Variants in DAB1 observed in about 807,000 individuals in gnomAD.
DAB1 encodes the protein DAB adaptor protein 1.
DAB1 carries 15 observed loss-of-function variants against 64.6 expected under a neutral mutation model. The ratio of observed to expected loss-of-function variants is 0.23; its 90% CI spans 0.16 to 0.36. The LOEUF is 0.36. Among genes scored for constraint, DAB1 ranks in the 10% least tolerant of loss-of-function variants. DAB1 has a pLI of 1.00. For synonymous variants in DAB1, 235 were observed against 251.9 expected, an observed-to-expected ratio of 0.93 and a Z score of 0.64; for missense variants, 596 against 706.7, an observed-to-expected ratio of 0.84 and a Z score of 1.78.
At chr1:57,545,548 T>C (rs1644847110) in intron 7 of DAB1, among the ~76,000 whole-genome samples, 4 of 152,198 alleles carry the variant, frequency 2.6e-5, no homozygotes, top group Admixed American at 2.0e-4. Flanking sequence ...CCTTCAAATG[T>C]TGGGCTCAAG....
At chr1:57,698,456 C>T (rs1268751238) in intron 6 of DAB1, among the ~76,000 whole-genome samples, 1 of 152,078 alleles carries the variant, frequency 6.6e-6, no homozygotes, top group African/African-American at 2.4e-5. Context: ...GCTTTCTGCT[C>T]CTTGTGGATT....
chr1:58,394,466 A>G (rs1644502306), intron 3 of DAB1, among the ~76,000 whole-genome samples: 2 of 152,230 alleles, frequency 1.3e-5, no homozygotes, highest in Non-Finnish European at 2.9e-5. Flanking sequence ...AAACAATCCA[A>G]ATGTCCATTA....
intron 2 of DAB1, among the ~76,000 whole-genome samples, chr1:57,255,215 A>G (rs542732279): frequency 6.6e-6 from 1 of 152,332 alleles, no homozygotes; most frequent in African/African-American, 2.4e-5. Context: ...AGCAGGCTCC[A>G]TAACAATCAT....
At chr1:58,105,457 G>A (rs576580342) in intron 5 of DAB1, among the ~76,000 whole-genome samples, 8 of 152,238 alleles carry the variant, frequency 5.3e-5, no homozygotes, top group African/African-American at 1.9e-4. Flanking sequence ...GACGAGAGAC[G>A]CCAGCAAACA....
intron 2 of DAB1, among the ~76,000 whole-genome samples, chr1:57,216,542 G>A (rs753512101): frequency 2.6e-5 from 4 of 152,126 alleles, no homozygotes; most frequent in Non-Finnish European, 5.9e-5. Flanking sequence ...GAGGTTGCCA[G>A]TTTTGGCTCT....
In DAB1 at chr1:57,901,859, G is replaced by A. The variant is rs192586034; in HGVS notation, n.388-17697C>T. On this transcript the variant is annotated intron_variant and non_coding_transcript_variant, in intron 5 of 20. Coordinates refer to the DAB1 transcript ENST00000485760. Reference sequence around the variant, plus strand: ...CCCCACTGCGAATCCCAAATGATGTGAGATTGGAGAATTCACTGTGTACTC... The same window carrying A: ...CCCCACTGCGAATCCCAAATGATGTAAGATTGGAGAATTCACTGTGTACTC... Among the ~76,000 whole-genome samples the A allele has an allele frequency of 2.0e-5, 3 of 152,218 alleles. No homozygotes were observed. In the East Asian group the frequency reaches 5.8e-4, roughly 29 times the overall value.
At chr1:57,873,984 G>C (rs1643999766) in intron 1 of DAB1, 1 of 152,022 alleles carries the variant, frequency 6.6e-6, no homozygotes, top group African/African-American at 2.4e-5. Flanking sequence ...GAGTCTCTTT[G>C]ACACAAGTCT....
intron 6 of DAB1, among the ~76,000 whole-genome samples, chr1:57,754,726 C>T (rs771728317): frequency 1.6e-4 from 25 of 152,118 alleles, no homozygotes; most frequent in African/African-American, 5.8e-4. Context: ...AACAAACAAA[C>T]GAACAAAACA....
chr1:57,732,416 G>A (rs1647478422), intron 6 of DAB1, among the ~76,000 whole-genome samples: 1 of 152,228 alleles, frequency 6.6e-6, no homozygotes, highest in Admixed American at 6.5e-5. Flanking sequence ...AGCAGCCTGA[G>A]CAGGCGGAGA....
intron 2 of DAB1, among the ~76,000 whole-genome samples, chr1:57,288,518 AC>A (rs1366555970): frequency 6.6e-6 from 1 of 152,136 alleles, no homozygotes; most frequent in Non-Finnish European, 1.5e-5. Context: ...GTCTTCCTCT[AC>A]CACGTGAGGA....
intron 9 of DAB1, among the ~76,000 whole-genome samples, chr1:57,030,792 G>A (rs1646942351): frequency 6.6e-6 from 1 of 152,210 alleles, no homozygotes; most frequent in Non-Finnish European, 1.5e-5. Flanking sequence ...ATTTGGTGAA[G>A]CTATGCTAGT....
intron 1 of DAB1, among the ~76,000 whole-genome samples, chr1:57,420,007 C>T (rs1684778046): frequency 1.3e-5 from 2 of 152,326 alleles, no homozygotes; most frequent in South Asian, 4.1e-4. Flanking sequence ...CTAATTGTTA[C>T]CTAATTAATA....
chr1:58,401,185 A>G (rs1407670194), intron 3 of DAB1, among the ~76,000 whole-genome samples: 1 of 152,222 alleles, frequency 6.6e-6, no homozygotes, highest in African/African-American at 2.4e-5. Flanking sequence ...GAAGCCTCCA[A>G]GGAAAAGTCA....
At chr1:57,178,301 A>C (rs1662550668) in intron 2 of DAB1, among the ~76,000 whole-genome samples, 1 of 76,700 alleles carries the variant, frequency 1.3e-5, no homozygotes, top group African/African-American at 2.5e-4. Context: ...AGATATATGC[A>C]AAAAAAAAAA....
chr1:57,750,435 C>T (rs943155778), intron 6 of DAB1, among the ~76,000 whole-genome samples: 4 of 152,182 alleles, frequency 2.6e-5, no homozygotes, highest in Admixed American at 2.6e-4. Flanking sequence ...TTTTCTCCTA[C>T]CTACCTGAGT....
intron 1 of DAB1, among the ~76,000 whole-genome samples, chr1:57,375,058 C>T (rs1274606162): frequency 1.3e-5 from 2 of 152,158 alleles, no homozygotes; most frequent in African/African-American, 2.4e-5. Flanking sequence ...TGTTCTGCCA[C>T]TCTGATTTCC....
chr1:57,906,194 GT>G (rs1311486848), intron 5 of DAB1, among the ~76,000 whole-genome samples: 1 of 152,148 alleles, frequency 6.6e-6, no homozygotes, highest in African/African-American at 2.4e-5. Flanking sequence ...AGCAGCCATT[GT>G]GTATGTAGAA....
chr1:58,332,752 C>G (rs972457832), intron 4 of DAB1, among the ~76,000 whole-genome samples: 6 of 152,060 alleles, frequency 3.9e-5, no homozygotes, highest in Non-Finnish European at 8.8e-5. Context: ...GAAAAACTGG[C>G]CACAGGACTT....
At chr1:57,417,830 C>T (rs1684602176) in intron 1 of DAB1, among the ~76,000 whole-genome samples, 1 of 152,124 alleles carries the variant, frequency 6.6e-6, no homozygotes, top group Non-Finnish European at 1.5e-5. Context: ...ATGCCCATCC[C>T]TAAGTCAATA....
Sources: allele counts gnomAD v4.1 joint callset (sites outside exome capture counted in the v4.1 genomes callset), GRCh38; gene constraint gnomAD v4.1.1; transcripts MANE v1.5; gene names NCBI Gene and HGNC (gene_info 2026-07-23, HGNC 2026-07-21).